Variants in ETV4 observed in about 807,000 individuals in gnomAD.
ETV4 encodes the protein ETS translocation variant 4.
In ETV4, 42 loss-of-function variants were observed where a neutral mutation model predicts 65.9. The ratio of observed to expected loss-of-function variants is 0.64; its 90% CI spans 0.50 to 0.82. The LOEUF (loss-of-function observed/expected upper bound fraction) is 0.82, where lower values mean the gene tolerates loss of function less well. Among genes scored for constraint, ETV4 ranks in the 40% least tolerant of loss-of-function variants. The pLI is 0.00. For missense variants in ETV4, 583 were observed against 630.3 expected, an observed-to-expected ratio of 0.92 and a Z score of 0.80; for synonymous variants, 238 against 260.0, an observed-to-expected ratio of 0.92 and a Z score of 0.81.
At position 43,533,971 on chromosome 17, in the gene ETV4, G is replaced by T; in HGVS notation, c.271C>A (p.Pro91Thr). Residue 91 changes from proline (P) to threonine (T), a missense_variant, in exon 6 of 13, where the codon CCC becomes ACC. Physicochemically the swap from Pro to Thr is conservative, Grantham distance 38. Transcript: ENST00000319349. ...FHSENLAFHSPTTRIKKEPQS... is the reference protein window; with the variant it reads ...FHSENLAFHSTTTRIKKEPQS... ...GGCTCCTTCTTGATCCTGGTGGTGG[G>T]GCTGTGGAAAGCTACTGTGGGGGTG... 4.6e-6 allele frequency: 7 copies of T among 1,536,310 alleles called. No individual in the cohort carries two copies. Among genetic ancestry groups the T allele is most frequent in the South Asian group, 1.3e-5 (1 of 76,302 alleles).
intron 4 of ETV4, among the ~76,000 whole-genome samples, chr17:43,543,484 C>T (rs1371702476): frequency 1.3e-5 from 2 of 152,152 alleles, no homozygotes; most frequent in African/African-American, 2.4e-5. Flanking sequence ...ACCCCTAGCT[C>T]ACAGCCCTAG....
rs556620242 is a variant in ETV4 at position 43,528,726 on chromosome 17, G to A, written c.1248C>T (p.Tyr416=). 1.2e-5 allele frequency: 20 copies of A among 1,614,092 alleles called. No homozygotes were observed. The highest frequency in any genetic ancestry group is 4.4e-5 in the South Asian group (4 of 91,076). Reference sequence around the variant, plus strand: ...CGGGCTCACACACAAACTTGTACACGTAACGCTCACCAGCCACCTATGGGG... The same window carrying A: ...CGGGCTCACACACAAACTTGTACACATAACGCTCACCAGCCACCTATGGGG... The part of the protein sequence containing the change: ...GIMQKVAGER[Y]VYKFVCEPEA... Residue 416 remains tyrosine (Y), a synonymous_variant, in exon 13 of 13, where the codon TAC becomes TAT. Transcript: ENST00000319349.
At position 43,529,655 on chromosome 17, in the gene ETV4, A is replaced by G. The variant is rs755073701; in HGVS notation, c.977T>C (p.Val326Ala). Residue 326 changes from valine to alanine, a missense_variant, in exon 11 of 13, where the codon GTC becomes GCC. By Grantham distance (64) the Val-to-Ala change is moderately conservative (BLOSUM62 0). Coordinates refer to ENST00000319349, the MANE Select transcript of ETV4 (RefSeq NM_001079675.5). Reference protein sequence around the residue: ...KFEGDIKQEGVGAFREGPPYQ... With the variant: ...KFEGDIKQEGAGAFREGPPYQ... The stretch of plus-strand genomic sequence containing the variant: ...GGGCGGCCCCTCTCGAAATGCACCG[A>G]CCCCTTCCTGCTTGATGTCTCCTGG... 2.5e-6 allele frequency: 4 copies of G among 1,612,510 alleles called. No homozygotes were observed. The Admixed American group carries it at 6.7e-5, about 27-fold the overall frequency.
intron 7 of ETV4, 65 bp downstream of exon 7, chr17:43,533,122 G>C: frequency 6.3e-7 from 1 of 1,580,792 alleles, no homozygotes. Flanking sequence ...AAGTCTTTAT[G>C]GAGAACACTC....
chr17:43,544,103 G>A (rs1028855328), intron 4 of ETV4: 3 of 152,156 alleles, frequency 2.0e-5, no homozygotes, highest in African/African-American at 7.2e-5. Flanking sequence ...TAAGATGGGG[G>A]TAGTTAACCC....
intron 8 of ETV4, among the ~76,000 whole-genome samples, chr17:43,532,133 G>A (rs928282820): frequency 6.6e-6 from 1 of 152,144 alleles, no homozygotes; most frequent in African/African-American, 2.4e-5. Context: ...TAAAGTGCTG[G>A]GATTACAGAT....
chr17:43,535,532 C>T (rs1971195150), intron 5 of ETV4, among the ~76,000 whole-genome samples: 2 of 152,184 alleles, frequency 1.3e-5, no homozygotes, highest in Admixed American at 1.3e-4. Context: ...GCGCCTCAGC[C>T]TCCCAAAGTG....
rs1288455083 is a variant in ETV4 at position 43,532,738 on chromosome 17, C to T, written c.747G>A (p.Gly249=). The change falls in exon 8 of 13, where the codon GGG becomes GGA. Residue 249 remains glycine (G), a synonymous_variant. Coordinates refer to ENST00000319349, the MANE Select transcript of ETV4 (RefSeq NM_001079675.5). Reference sequence around the variant, plus strand: ...CCACCCCCGCCCCTGGGTACCTGTGCCCATTGACCCCACCCTGGTCCACGG... The same window carrying T: ...CCACCCCCGCCCCTGGGTACCTGTGTCCATTGACCCCACCCTGGTCCACGG... ...QPAVDQGGVN[G]HRYPGAGVVI... is the part of the protein sequence containing the mutation. 7 of 1,614,036 alleles carry T rather than the reference C, an allele frequency of 4.3e-6. 1 individual carries two copies. Among genetic ancestry groups the T allele is most frequent in the South Asian group, 2.2e-5 (2 of 91,082 alleles).
intron 5 of ETV4, 133 bp downstream of exon 5, chr17:43,536,293 G>A: frequency 1.3e-6 from 1 of 781,680 alleles, no homozygotes; most frequent in East Asian, 2.5e-5. Flanking sequence ...TCCAGTTATT[G>A]CCTTGGTCTT....
chr17:43,530,102 C>T lies in ETV4; in HGVS notation c.886+5G>A, dbSNP rs1970827162. 2 of 1,597,144 alleles carry T rather than the reference C, an allele frequency of 1.3e-6. No homozygotes were observed. ...GGCTTGGCAGGGGAAGGGGGGCTGC[C>T]TTACCCATGGCCCCGTCACCTGGAG... is the stretch of plus-strand genomic sequence containing the variant. On this transcript the variant is annotated splice_donor_5th_base_variant and intron_variant, in intron 9 of 12. Coordinates refer to ENST00000319349, the MANE Select transcript of ETV4 (RefSeq NM_001079675.5).
intron 3 of ETV4, 58 bp downstream of exon 3, chr17:43,545,194 CGTGTGTGTGTGTGTGTGTGTGT>C (rs34640745): frequency 2.0e-5 from 13 of 635,502 alleles, no homozygotes; most frequent in Non-Finnish European, 3.1e-5. Context: ...CAGAATCGGC[CGTGTGTGTGTGTGTGTGTGTGT>C]GTGTGTGTGT....
rs769939536 is a variant in ETV4, at chr17:43,529,213, C to T, written c.1152G>A (p.Gln384=). Residue 384 remains glutamine (Q), a synonymous_variant, in exon 12 of 13, where the codon CAG becomes CAA. Transcript: ENST00000319349. ...PEEVARLWGI[Q]KNRPAMNYDK... ...CGTAATTCATGGCTGGCCGGTTCTT[C>T]TGGATGCCCCAGAGCCTGGCGACCT... 4.3e-6 allele frequency: 7 copies of T among 1,613,902 alleles called. No individual in the cohort carries two copies. Among genetic ancestry groups the T allele is most frequent in the Admixed American group, 1.7e-5 (1 of 59,990 alleles).
At chr17:43,538,122 C>A in intron 4 of ETV4, among the ~76,000 whole-genome samples, 1 of 131,010 alleles carries the variant, frequency 7.6e-6, no homozygotes, top group East Asian at 2.2e-4. Context: ...GCCTGGGTGA[C>A]AGAGCAAGAC....
rs768810889 is a variant in ETV4, at chr17:43,529,236, C to T, written c.1129G>A (p.Val377Ile). The change falls in exon 12 of 13, where the codon GTC (valine) becomes ATC (isoleucine). Residue 377 changes from valine (V) to isoleucine (I), a missense_variant and splice_region_variant. By Grantham distance (29) the Val-to-Ile change is conservative. Transcript: ENST00000319349. Reference sequence around the variant, plus strand: ...TTCTGGATGCCCCAGAGCCTGGCGACCTGGGAACAAAACAGTTTTGGGGTA... The same window carrying T: ...TTCTGGATGCCCCAGAGCCTGGCGATCTGGGAACAAAACAGTTTTGGGGTA... ...MEFKLIEPEEVARLWGIQKNR... is the reference protein window; with the variant it reads ...MEFKLIEPEEIARLWGIQKNR... 3.1e-6 allele frequency: 5 copies of T among 1,613,934 alleles called. No homozygotes were observed. The highest frequency in any genetic ancestry group is 4.2e-6 in the Non-Finnish European group (5 of 1,179,980).
chr17:43,541,494 G>C (rs1207223669), intron 4 of ETV4, among the ~76,000 whole-genome samples: 1 of 151,838 alleles, frequency 6.6e-6, no homozygotes, highest in East Asian at 1.9e-4. Flanking sequence ...AATGCCCAGA[G>C]AGAGAGAAAG....
In ETV4 at chr17:43,528,527, A is replaced by G. The variant is rs764630172; in HGVS notation, c.1447T>C (p.Ser483Pro). 1.2e-6 allele frequency: 2 copies of G among 1,607,464 alleles called. No homozygotes were observed. The highest frequency in any genetic ancestry group is 1.8e-4 in the Middle Eastern group (1 of 5,572). ...AQPFGPKGGY[S>P]Y ...GGAACAGCCGCTGGGGGCTAGTAAG[A>G]GTAGCCACCCTTGGGGCCAAATGGC... Residue 483 changes from serine (S) to proline (P), a missense_variant, in exon 13 of 13, where the codon TCT becomes CCT. Physicochemically the swap from Ser to Pro is moderately conservative, Grantham distance 74 (BLOSUM62 -1). Transcript: ENST00000319349.
In ETV4 at chr17:43,544,973, AC is replaced by A. The variant is rs1971725522; in HGVS notation, c.202+1del. 1 of 1,613,656 alleles carries A rather than the reference AC, an allele frequency of 6.2e-7. No individual in the cohort carries two copies. Among genetic ancestry groups the A allele is most frequent in the Non-Finnish European group, 8.5e-7 (1 of 1,179,910 alleles). The stretch of plus-strand genomic sequence containing the variant: ...AATAGAAAAGGTCACAAAACTACTC[AC>A]CTTCAGCGAGCCACGTCTCCTGGAA... On this transcript the variant is annotated splice_donor_variant, in intron 4 of 12. Transcript: ENST00000319349. LOFTEE classifies it high-confidence loss of function.
chr17:43,535,063 C>T (rs1025109216), intron 5 of ETV4, among the ~76,000 whole-genome samples: 1 of 152,234 alleles, frequency 6.6e-6, no homozygotes, highest in Non-Finnish European at 1.5e-5. Context: ...ACTGGCCTTT[C>T]CTGTGGCCCC....
At chr17:43,539,723 C>A (rs896377429) in intron 4 of ETV4, among the ~76,000 whole-genome samples, 6 of 152,210 alleles carry the variant, frequency 3.9e-5, no homozygotes, top group Admixed American at 6.5e-5. Context: ...CCCTTCCCTG[C>A]AGGCTCCCCC....
Sources: allele counts gnomAD v4.1 joint callset (sites outside exome capture counted in the v4.1 genomes callset), GRCh38; gene constraint gnomAD v4.1.1; transcripts MANE v1.5; gene names NCBI Gene and HGNC (gene_info 2026-07-23, HGNC 2026-07-21).